MLLT3: variants seen among roughly 807,000 people sequenced by gnomAD.
The protein encoded by MLLT3 is protein AF-9.
MLLT3 carries 4 observed loss-of-function variants against 53.2 expected under a neutral mutation model. The ratio of observed to expected loss-of-function variants is 0.08; its 90% CI spans 0.04 to 0.17. The LOEUF (loss-of-function observed/expected upper bound fraction) is 0.17, where lower values mean the gene tolerates loss of function less well. MLLT3 is among the 10% of genes least tolerant of loss of function. The pLI is 1.00. For synonymous variants in MLLT3, 283 were observed against 230.6 expected (o/e 1.23, Z -2.06); for missense variants, 569 against 684.0 (o/e 0.83, Z 1.87).
chr9:20,462,834 G>A (rs1824144591), intron 2 of MLLT3, among the ~76,000 whole-genome samples: 1 of 152,044 alleles, frequency 6.6e-6, no homozygotes, highest in Non-Finnish European at 1.5e-5. Flanking sequence ...ACTTTAGCAT[G>A]AGTTTTAAAA....
In MLLT3 at chr9:20,342,761, T is replaced by C. The variant is rs1820767278; in HGVS notation, c.*3682A>G. The C allele has an allele frequency of 5.2e-6, 1 of 192,890 alleles. No homozygotes were observed. The highest frequency in any genetic ancestry group is 2.3e-5 in the African/African-American group (1 of 42,864). The allele number at this position is 192,890 out of a possible 1,614,324, so 11.9% of individuals were successfully genotyped here. On this transcript the variant is annotated 3_prime_UTR_variant, in exon 11 of 11. Transcript: ENST00000380338. The stretch of plus-strand genomic sequence containing the variant: ...GACTCCTTAACATTCACTGCAGCTG[T>C]AGTAGTCTCTACATCATATTCATAG...
At chr9:20,446,349 T>C (rs1192145649) in intron 4 of MLLT3, among the ~76,000 whole-genome samples, 1 of 152,190 alleles carries the variant, frequency 6.6e-6, no homozygotes, top group East Asian at 1.9e-4. Flanking sequence ...AGAAGAATCA[T>C]TCTGAGATAA....
chr9:20,346,379 C>CAAAAAAAAAAAAAACAAAAAAAA lies in MLLT3; in HGVS notation c.*63_*64insTTTTTTTTGTTTTTTTTTTTTTT. 1 of 982,276 alleles carries CAAAAAAAAAAAAAACAAAAAAAA rather than the reference C, an allele frequency of 1.0e-6. No homozygotes were observed. The highest frequency in any genetic ancestry group is 1.3e-6 in the Non-Finnish European group (1 of 760,718). 60.8% of individuals were successfully genotyped at this position (982,276 alleles called of 1,614,324 possible). ...AACAACAAGAACAAAAAATCACAAC[C>CAAAAAAAAAAAAAACAAAAAAAA]AAAAAAAAAAAAAACCAAAAAAAAA... On this transcript the variant is annotated 3_prime_UTR_variant, in exon 11 of 11. Transcript: ENST00000380338.
At chr9:20,402,850 G>A (rs1268980455) in intron 5 of MLLT3, among the ~76,000 whole-genome samples, 1 of 152,168 alleles carries the variant, frequency 6.6e-6, no homozygotes. Flanking sequence ...ATTCAGCTGG[G>A]GATATGGGAT....
At chr9:20,569,462 C>T (rs1359083865) in intron 2 of MLLT3, among the ~76,000 whole-genome samples, 1 of 152,160 alleles carries the variant, frequency 6.6e-6, no homozygotes, top group Admixed American at 6.6e-5. Flanking sequence ...CATCTATCTA[C>T]ACTCCCCAAT....
At chr9:20,378,043 T>C (rs1563942937) in intron 5 of MLLT3, among the ~76,000 whole-genome samples, 1 of 152,094 alleles carries the variant, frequency 6.6e-6, no homozygotes, top group Non-Finnish European at 1.5e-5. Flanking sequence ...TGAATGTATA[T>C]GTTTACATAG....
At chr9:20,509,639 C>T (rs75839148) in intron 2 of MLLT3, among the ~76,000 whole-genome samples, 2 of 152,164 alleles carry the variant, frequency 1.3e-5, no homozygotes, top group East Asian at 1.9e-4. Context: ...TAAGCCACCA[C>T]GCCAAGACTG....
intron 5 of MLLT3, among the ~76,000 whole-genome samples, chr9:20,413,414 A>G (rs1822781299): frequency 6.6e-6 from 1 of 152,190 alleles, no homozygotes; most frequent in Admixed American, 6.5e-5. Context: ...CACTCATTGG[A>G]AAGCATAGAT....
At chr9:20,480,576 T>C (rs552613920) in intron 2 of MLLT3, among the ~76,000 whole-genome samples, 150 of 152,306 alleles carry the variant, frequency 9.8e-4, no homozygotes, top group African/African-American at 3.6e-3. Context: ...GGATTCCTTT[T>C]CCTCCACGTA....
intron 5 of MLLT3, among the ~76,000 whole-genome samples, chr9:20,404,976 A>G (rs1822544865): frequency 6.6e-6 from 1 of 151,960 alleles, no homozygotes; most frequent in African/African-American, 2.4e-5. Context: ...TATTTATTTT[A>G]TTATAATTTT....
chr9:20,559,371 A>G (rs1819142605), intron 2 of MLLT3, among the ~76,000 whole-genome samples: 1 of 152,160 alleles, frequency 6.6e-6, no homozygotes, highest in Non-Finnish European at 1.5e-5. Context: ...GGTTAAAGTA[A>G]GTGGTGTTCA....
chr9:20,445,876 T>C (rs1823682760), intron 4 of MLLT3, among the ~76,000 whole-genome samples: 1 of 152,162 alleles, frequency 6.6e-6, no homozygotes, highest in Non-Finnish European at 1.5e-5. Context: ...AGAAGAAGTT[T>C]ATCTGAAGAC....
intron 5 of MLLT3, among the ~76,000 whole-genome samples, chr9:20,400,263 T>C (rs1478592719): frequency 6.6e-6 from 1 of 152,156 alleles, no homozygotes; most frequent in Non-Finnish European, 1.5e-5. Context: ...AACCAAGTTT[T>C]TCTCCTCTTG....
At chr9:20,459,072 A>G (rs1824043143) in intron 2 of MLLT3, among the ~76,000 whole-genome samples, 3 of 152,180 alleles carry the variant, frequency 2.0e-5, no homozygotes, top group Admixed American at 1.3e-4. Flanking sequence ...AGGCACAGCC[A>G]TCGACATACA....
chr9:20,587,132 A>G (rs557227286), intron 2 of MLLT3, among the ~76,000 whole-genome samples: 1 of 152,116 alleles, frequency 6.6e-6, no homozygotes, highest in South Asian at 2.1e-4. Flanking sequence ...TTTTTAAACA[A>G]AAGTTTGATA....
At chr9:20,459,706 T>C (rs999393682) in intron 2 of MLLT3, among the ~76,000 whole-genome samples, 1 of 152,228 alleles carries the variant, frequency 6.6e-6, no homozygotes, top group African/African-American at 2.4e-5. Context: ...ATCTTATCGT[T>C]GAATATCTTT....
intron 2 of MLLT3, among the ~76,000 whole-genome samples, chr9:20,481,236 C>A (rs1338592202): frequency 2.6e-5 from 4 of 152,170 alleles, no homozygotes; most frequent in Non-Finnish European, 5.9e-5. Flanking sequence ...TAATGATGGA[C>A]TCACATATTA....
intron 2 of MLLT3, among the ~76,000 whole-genome samples, chr9:20,588,490 G>T (rs1000831974): frequency 1.3e-5 from 2 of 152,162 alleles, no homozygotes; most frequent in Non-Finnish European, 2.9e-5. Context: ...AACGTTCTTC[G>T]ATTTGTTTGT....
chr9:20,525,733 G>C (rs74664151), intron 2 of MLLT3, among the ~76,000 whole-genome samples: 154 of 152,252 alleles, frequency 1.0e-3, no homozygotes, highest in African/African-American at 3.5e-3. Flanking sequence ...ATACAACCTT[G>C]TTGCTGTAAG....
Sources: gnomAD v4.1 joint callset for allele counts (sites outside exome capture counted in the v4.1 genomes callset) on GRCh38, gnomAD v4.1.1 for gene constraint, MANE v1.5 for transcripts, NCBI Gene and HGNC (gene_info 2026-07-23, HGNC 2026-07-21) for gene names.